RBFOX1: variants seen among roughly 807,000 people sequenced by gnomAD.
RBFOX1 encodes the protein RNA binding fox-1 homolog 1.
Under a neutral mutation model 57.7 loss-of-function variants are expected in RBFOX1, and 8 were observed. The ratio of observed to expected loss-of-function variants is 0.14; its 90% CI spans 0.08 to 0.25. RBFOX1 has a LOEUF of 0.25. RBFOX1 is among the 10% of genes least tolerant of loss of function. RBFOX1 has a pLI of 1.00. For synonymous variants in RBFOX1, 326 were observed against 222.4 expected (o/e 1.47, Z -4.15); for missense variants, 611 against 548.5 (o/e 1.11, Z -1.14).
At chr16:6,422,659 A>G (rs185944418) in intron 2 of RBFOX1, among the ~76,000 whole-genome samples, 56 of 152,266 alleles carry the variant, frequency 3.7e-4, no homozygotes, top group African/African-American at 1.3e-3. Context: ...GCAGGAGCAA[A>G]AGAGAACAAG....
chr16:5,395,751 G>A (rs2066534932), intron 1 of RBFOX1, among the ~76,000 whole-genome samples: 1 of 152,200 alleles, frequency 6.6e-6, no homozygotes, highest in East Asian at 1.9e-4. Flanking sequence ...CATCTTCCCA[G>A]CAGACTCGCA....
chr16:7,286,017 T>A lies in RBFOX1; in HGVS notation c.28-232130T>A, dbSNP rs545134047. Among the ~76,000 whole-genome samples the A allele has an allele frequency of 1.1e-4, 16 of 152,342 alleles. No individual in the cohort carries two copies. The South Asian group carries it at 3.1e-3, about 30-fold the overall frequency. On this transcript the variant is annotated intron_variant, in intron 4 of 15. Coordinates refer to ENST00000550418, the MANE Select transcript of RBFOX1 (RefSeq NM_018723.4). Reference sequence around the variant, plus strand: ...GTAGACTGAGTTTTGTTTGTTTGTCTGCTTGTTTGTATCTTTAATCAGCAT... The same window carrying A: ...GTAGACTGAGTTTTGTTTGTTTGTCAGCTTGTTTGTATCTTTAATCAGCAT...
intron 3 of RBFOX1, among the ~76,000 whole-genome samples, chr16:7,038,410 T>C (rs1042478472): frequency 1.3e-5 from 2 of 152,318 alleles, no homozygotes; most frequent in Admixed American, 6.5e-5. Flanking sequence ...TGCAATTGTT[T>C]TCTCCAGCCC....
At chr16:7,005,771 C>T (rs942925936) in intron 3 of RBFOX1, among the ~76,000 whole-genome samples, 1 of 152,188 alleles carries the variant, frequency 6.6e-6, no homozygotes, top group Non-Finnish European at 1.5e-5. Flanking sequence ...ATGGACCTTG[C>T]CTAAATCGCA....
At chr16:6,894,788 C>T (rs1413991005) in intron 3 of RBFOX1, among the ~76,000 whole-genome samples, 3 of 152,122 alleles carry the variant, frequency 2.0e-5, no homozygotes, top group Non-Finnish European at 2.9e-5. Flanking sequence ...GCCATTTTCC[C>T]TGTGTTTGTA....
intron 4 of RBFOX1, among the ~76,000 whole-genome samples, chr16:7,306,338 A>G (rs965682225): frequency 1.3e-5 from 2 of 152,204 alleles, no homozygotes; most frequent in Non-Finnish European, 2.9e-5. Context: ...TCTTCCAGGC[A>G]GTCTCTCCCA....
intron 4 of RBFOX1, among the ~76,000 whole-genome samples, chr16:7,402,980 A>G (rs1035286866): frequency 1.3e-5 from 2 of 152,156 alleles, no homozygotes; most frequent in Non-Finnish European, 2.9e-5. Context: ...CTCCAATCTG[A>G]TCTTGAAGGA....
intron 3 of RBFOX1, among the ~76,000 whole-genome samples, chr16:5,660,599 G>C (rs149784853): frequency 1.3e-5 from 2 of 152,126 alleles, no homozygotes; most frequent in African/African-American, 4.8e-5. Flanking sequence ...TATGGTTGCC[G>C]TTTGCTCTGT....
intron 2 of RBFOX1, among the ~76,000 whole-genome samples, chr16:6,570,639 C>T (rs1241130072): frequency 6.6e-6 from 1 of 152,060 alleles, no homozygotes; most frequent in Non-Finnish European, 1.5e-5. Flanking sequence ...AGACAAAGCA[C>T]CTTTTTATTT....
chr16:7,280,270 C>G (rs1048449381), intron 4 of RBFOX1, among the ~76,000 whole-genome samples: 4 of 152,226 alleles, frequency 2.6e-5, no homozygotes, highest in African/African-American at 4.8e-5. Flanking sequence ...GCTTAGGTCA[C>G]TTCCCCAGCT....
chr16:6,490,788 T>C (rs970797397), intron 2 of RBFOX1, among the ~76,000 whole-genome samples: 1 of 152,226 alleles, frequency 6.6e-6, no homozygotes, highest in South Asian at 2.1e-4. Context: ...TCCATTACTG[T>C]TCTTTATATT....
At chr16:6,619,687 CT>C (rs34849467) in intron 2 of RBFOX1, among the ~76,000 whole-genome samples, 49,121 of 117,830 alleles carry the variant, frequency 0.42, 9,896 homozygotes, top group Middle Eastern at 0.48. Flanking sequence ...TGTTGGTTTC[CT>C]TTTTTTTTTT....
intron 3 of RBFOX1, among the ~76,000 whole-genome samples, chr16:6,827,917 T>G (rs1007308116): frequency 2.0e-5 from 3 of 152,226 alleles, no homozygotes; most frequent in Admixed American, 2.0e-4. Flanking sequence ...TTGCATACAT[T>G]TGTAAGCAGT....
chr16:6,046,270 T>C (rs1567326577), intron 1 of RBFOX1, among the ~76,000 whole-genome samples: 1 of 152,112 alleles, frequency 6.6e-6, no homozygotes, highest in African/African-American at 2.4e-5. Flanking sequence ...TGGATATACT[T>C]TTTGTGATAA....
At chr16:7,184,081 T>G (rs528613231) in intron 4 of RBFOX1, among the ~76,000 whole-genome samples, 2 of 152,046 alleles carry the variant, frequency 1.3e-5, no homozygotes, top group Admixed American at 1.3e-4. Context: ...GCAGGATTGG[T>G]GAGAAGAGCC....
intron 4 of RBFOX1, among the ~76,000 whole-genome samples, chr16:7,141,225 C>T (rs986796801): frequency 1.3e-5 from 2 of 152,128 alleles, no homozygotes; most frequent in African/African-American, 4.8e-5. Flanking sequence ...AGTGTTAGTG[C>T]TGGATCCAGA....
chr16:6,596,214 G>GT (rs139796215), intron 2 of RBFOX1, among the ~76,000 whole-genome samples: 11,358 of 152,084 alleles, frequency 0.075, 873 homozygotes, highest in East Asian at 0.4. Context: ...ATTTACTCCT[G>GT]TTTCTTTTTT....
intron 3 of RBFOX1, among the ~76,000 whole-genome samples, chr16:6,898,664 G>C (rs2067586317): frequency 6.6e-6 from 1 of 152,040 alleles, no homozygotes; most frequent in Non-Finnish European, 1.5e-5. Flanking sequence ...TCAGCTCTGA[G>C]TTTCTGTGTG....
intron 2 of RBFOX1, among the ~76,000 whole-genome samples, chr16:6,487,683 AAAAAAAAAAAAAAAAAAAT>A (rs2084706078): frequency 1.5e-4 from 2 of 13,300 alleles, no homozygotes; most frequent in African/African-American, 3.5e-4. Context: ...TAAAAAAAAA[AAAAAAAAAAAAAAAAAAAT>A]ATATATATAT....
Sources: allele counts gnomAD v4.1 joint callset (sites outside exome capture counted in the v4.1 genomes callset), GRCh38; gene constraint gnomAD v4.1.1; transcripts MANE v1.5; gene names NCBI Gene and HGNC (gene_info 2026-07-23, HGNC 2026-07-21).